Variants in ZSWIM5 observed in about 807,000 individuals in gnomAD.
ZSWIM5 encodes the protein zinc finger SWIM-type containing 5, also known as zinc finger SWIM domain-containing protein 5.
In ZSWIM5, 55 loss-of-function variants were observed where a neutral mutation model predicts 119.6. That is an observed-to-expected ratio of 0.46 (90% CI 0.37 to 0.58). ZSWIM5 has a LOEUF of 0.58. Among genes scored for constraint, ZSWIM5 ranks in the 20% least tolerant of loss-of-function variants. ZSWIM5 has a pLI of 0.00. For synonymous variants in ZSWIM5, 537 were observed against 606.9 expected, an observed-to-expected ratio of 0.88 and a Z score of 1.69; for missense variants, 1,193 against 1,512.8, an observed-to-expected ratio of 0.79 and a Z score of 3.51.
At chr1:45,043,124 G>T in intron 6 of ZSWIM5, 95 bp downstream of exon 6, 1 of 1,241,948 alleles carries the variant, frequency 8.1e-7, no homozygotes, top group Non-Finnish European at 1.2e-6. Flanking sequence ...TGTCCAAATT[G>T]TAGTTTGAGT....
In ZSWIM5 at chr1:45,018,776, C is replaced by T. The variant is rs201240018; in HGVS notation, c.3236G>A (p.Arg1079Gln). 50 of 1,614,096 alleles carry T rather than the reference C, an allele frequency of 3.1e-5. No homozygotes were observed. The highest frequency in any genetic ancestry group is 9.3e-5 in the African/African-American group (7 of 74,934). The change falls in exon 14 of 14, where the codon CGA (arginine) becomes CAA (glutamine). Residue 1079 changes from arginine to glutamine, a missense_variant. Transcript: ENST00000359600. The surrounding 1 kb of genome is among the most constrained non-coding windows in gnomAD (Gnocchi z 6.7). ...HCATVLSDILRRCTVTAPGLA... is the reference protein window; with the variant it reads ...HCATVLSDILQRCTVTAPGLA... ...GCCAGGTGCAGTCACTGTGCAGCGTCGTAAGATGTCTGAAAGCACTGTGGC... is the reference window on the plus strand; with the variant it reads ...GCCAGGTGCAGTCACTGTGCAGCGTTGTAAGATGTCTGAAAGCACTGTGGC...
chr1:45,106,441 G>A (rs374385494), intron 1 of ZSWIM5, among the ~76,000 whole-genome samples: 53 of 144,068 alleles, frequency 3.7e-4, no homozygotes, highest in African/African-American at 1.3e-3. Flanking sequence ...TATGAGGAGC[G>A]CCTCTGCCCG....
At chr1:45,083,025 G>A (rs1570074520) in intron 2 of ZSWIM5, among the ~76,000 whole-genome samples, 2 of 152,130 alleles carry the variant, frequency 1.3e-5, no homozygotes, top group East Asian at 3.8e-4. Flanking sequence ...CTTCTCTCTG[G>A]TGCTACAGGC....
At chr1:45,081,379 T>C (rs1645289366) in intron 2 of ZSWIM5, among the ~76,000 whole-genome samples, 1 of 152,110 alleles carries the variant, frequency 6.6e-6, no homozygotes, top group Non-Finnish European at 1.5e-5. Context: ...TGGACTATAC[T>C]GCTGCCATCT....
At chr1:45,120,546 C>T (rs1019581555) in intron 1 of ZSWIM5, among the ~76,000 whole-genome samples, 1 of 152,066 alleles carries the variant, frequency 6.6e-6, no homozygotes, top group Non-Finnish European at 1.5e-5. Context: ...TCAGTGCAGC[C>T]TTGACCTCCT....
chr1:45,018,950 G>A lies in ZSWIM5; in HGVS notation c.3062C>T (p.Ser1021Leu), dbSNP rs1340521406. The A allele has an allele frequency of 1.2e-6, 2 of 1,614,126 alleles. No homozygotes were observed. The highest frequency in any genetic ancestry group is 1.3e-5 in the African/African-American group (1 of 74,932). Residue 1021 changes from serine to leucine, a missense_variant, in exon 14 of 14, where the codon TCA becomes TTA. Physicochemically the swap from Ser to Leu is moderately radical, Grantham distance 145 (BLOSUM62 -2). Around this residue, in one of 2 missense-constraint regions of ZSWIM5, gnomAD observed 961 missense variants for 1,290.0 expected, o/e 0.74. Transcript: ENST00000359600. This position sits in a 1 kb window ranked among gnomAD's most constrained non-coding sequence, Gnocchi z 6.7. ...GYPLRAFKLA[S>L]LAMSHLNLAY... ...CAGGTTAAGATGGCTCATGGCCAAT[G>A]AGGCCAGCTTGAAGGCACGTAGCGG...
At chr1:45,172,185 T>A (rs1645949579) in intron 1 of ZSWIM5, among the ~76,000 whole-genome samples, 1 of 152,078 alleles carries the variant, frequency 6.6e-6, no homozygotes. Context: ...GACTCACGGT[T>A]GCGAAACTAA....
At chr1:45,106,495 C>T (rs1482882991) in intron 1 of ZSWIM5, among the ~76,000 whole-genome samples, 2 of 149,188 alleles carry the variant, frequency 1.3e-5, no homozygotes, top group East Asian at 4.0e-4. Context: ...CCCGGCCGCT[C>T]TTACTCTGGG....
intron 1 of ZSWIM5, among the ~76,000 whole-genome samples, chr1:45,102,436 G>C (rs971065385): frequency 6.6e-6 from 1 of 152,166 alleles, no homozygotes; most frequent in South Asian, 2.1e-4. Context: ...AGCTAGTTAA[G>C]TGCTTCTTCC....
chr1:45,064,149 C>A (rs2149001969), intron 2 of ZSWIM5, among the ~76,000 whole-genome samples: 2 of 152,292 alleles, frequency 1.3e-5, no homozygotes, highest in Middle Eastern at 6.8e-3. Context: ...TTATTACGCT[C>A]ATGTGCTCAG....
intron 1 of ZSWIM5, among the ~76,000 whole-genome samples, chr1:45,148,746 G>C (rs776786290): frequency 3.0e-4 from 45 of 152,178 alleles, no homozygotes; most frequent in Non-Finnish European, 4.4e-4. Context: ...TTCTCTAAAA[G>C]GAGCAGACAA....
chr1:45,074,684 T>C (rs1472810519), intron 2 of ZSWIM5, among the ~76,000 whole-genome samples: 2 of 151,924 alleles, frequency 1.3e-5, no homozygotes, highest in African/African-American at 2.4e-5. Context: ...TTTGTTTTAT[T>C]GATTTTTTTT....
intron 1 of ZSWIM5, among the ~76,000 whole-genome samples, chr1:45,130,145 G>A (rs1178197876): frequency 6.6e-6 from 1 of 152,216 alleles, no homozygotes; most frequent in Admixed American, 6.5e-5. Flanking sequence ...TGATCCACAT[G>A]CCTTGGCCTC....
intron 1 of ZSWIM5, among the ~76,000 whole-genome samples, chr1:45,117,541 T>G (rs1489284093): frequency 6.6e-6 from 1 of 152,120 alleles, no homozygotes; most frequent in Non-Finnish European, 1.5e-5. Context: ...GGCATGATAG[T>G]ACATACTTGT....
chr1:45,188,159 G>A (rs1185840406), intron 1 of ZSWIM5, among the ~76,000 whole-genome samples: 1 of 152,134 alleles, frequency 6.6e-6, no homozygotes, highest in Non-Finnish European at 1.5e-5. Flanking sequence ...ATTCACAGCA[G>A]CATTATTCAC....
chr1:45,185,184 A>G (rs1164998825), intron 1 of ZSWIM5, among the ~76,000 whole-genome samples: 2 of 151,450 alleles, frequency 1.3e-5, no homozygotes, highest in Non-Finnish European at 2.9e-5. Flanking sequence ...TGCTGGGAAA[A>G]CTGGCTAGCC....
intron 1 of ZSWIM5, among the ~76,000 whole-genome samples, chr1:45,197,720 C>G (rs971194247): frequency 6.6e-6 from 1 of 152,266 alleles, no homozygotes; most frequent in Non-Finnish European, 1.5e-5. Flanking sequence ...TTGTTTTGCA[C>G]TAAGATAAAC....
chr1:45,164,746 C>T (rs1645889831), intron 1 of ZSWIM5, among the ~76,000 whole-genome samples: 1 of 152,106 alleles, frequency 6.6e-6, no homozygotes, highest in African/African-American at 2.4e-5. Flanking sequence ...GTAAAGGGAT[C>T]AATCCAACAA....
chr1:45,173,988 A>G (rs556121748), intron 1 of ZSWIM5, among the ~76,000 whole-genome samples: 2 of 152,236 alleles, frequency 1.3e-5, no homozygotes, highest in South Asian at 4.2e-4. Context: ...TAAAATGAAC[A>G]TGAAGGCTGG....
Sources: gnomAD v4.1 joint callset for allele counts (sites outside exome capture counted in the v4.1 genomes callset) on GRCh38, gnomAD v4.1.1 for gene constraint, gnomAD v4.1.1 regional missense constraint, Gnocchi (gnomAD v3.1) non-coding constraint, MANE v1.5 for transcripts, NCBI Gene and HGNC (gene_info 2026-07-23, HGNC 2026-07-21) for gene names.